Variants in PRKD2 observed in about 807,000 individuals in gnomAD.
The protein encoded by PRKD2 is protein kinase D2.
A neutral mutation model predicts 86.0 loss-of-function variants in PRKD2; 22 were observed. That is an observed-to-expected ratio of 0.26 (90% confidence interval 0.18 to 0.37). The LOEUF (loss-of-function observed/expected upper bound fraction) is 0.37, where lower values mean the gene tolerates loss of function less well. PRKD2 is among the 10% of genes least tolerant of loss of function. PRKD2 has a pLI of 1.00. For missense variants in PRKD2, 818 were observed against 1,199.2 expected, an observed-to-expected ratio of 0.68 and a Z score of 4.70; for synonymous variants, 509 against 510.9, an observed-to-expected ratio of 1.00 and a Z score of 0.05.
At chr19:46,680,968 CAG>C (rs2053296593) in intron 15 of PRKD2, among the ~76,000 whole-genome samples, 1 of 42,682 alleles carries the variant, frequency 2.3e-5, no homozygotes, top group Non-Finnish European at 5.3e-5. Context: ...TTTTTTGAGA[CAG>C]AGTCTCGCTC....
Position 46,696,081 on chromosome 19 carries a change from C to T in PRKD2, c.1317+1076G>A, listed in dbSNP as rs186257701. ...TTCGAACTCATGATCTCAAGTGATC[C>T]GCCCACCTCGGCCTCTGAAAGCGCT... On this transcript the variant is annotated intron_variant, in intron 9 of 17. Transcript: ENST00000291281. Among the ~76,000 whole-genome samples the T allele has an allele frequency of 3.2e-3, 481 of 152,204 alleles. 8 individuals are homozygous for T. Among genetic ancestry groups the T allele is most frequent in the East Asian group, 3.3e-3 (17 of 5,158 alleles).
At chr19:46,713,745 A>G (rs1250915103) in intron 2 of PRKD2, 118 bp downstream of exon 2, 5 of 1,018,934 alleles carry the variant, frequency 4.9e-6, no homozygotes, top group Non-Finnish European at 7.0e-6. Context: ...TGCTGGGATC[A>G]CAGGCGTGAG....
intron 15 of PRKD2, among the ~76,000 whole-genome samples, chr19:46,681,263 T>G (rs898550247): frequency 3.3e-5 from 5 of 150,898 alleles, no homozygotes; most frequent in Admixed American, 3.3e-4. Context: ...GTCTTTTTTT[T>G]TTTTTTTTAA....
chr19:46,701,940 A>G (rs931024539), intron 5 of PRKD2, among the ~76,000 whole-genome samples: 3 of 151,842 alleles, frequency 2.0e-5, no homozygotes, highest in Non-Finnish European at 2.9e-5. Context: ...CCATTGCTGT[A>G]GAGTTCAGTG....
At chr19:46,688,053 T>C (rs77814200) in intron 14 of PRKD2, among the ~76,000 whole-genome samples, 2 of 147,936 alleles carry the variant, frequency 1.4e-5, no homozygotes, top group Non-Finnish European at 3.0e-5. Flanking sequence ...AGGTTTTCTA[T>C]TTTTTTTTTT....
chr19:46,691,908 C>A, intron 11 of PRKD2, 25 bp downstream of exon 11: 1 of 1,612,724 alleles, frequency 6.2e-7, no homozygotes, highest in Non-Finnish European at 8.5e-7. Context: ...GAGGGGAGGG[C>A]ATCAGGTGGG....
chr19:46,692,740 C>T (rs906034751), intron 10 of PRKD2, among the ~76,000 whole-genome samples: 8 of 152,200 alleles, frequency 5.3e-5, no homozygotes, highest in Admixed American at 4.6e-4. Context: ...TCCTGACACA[C>T]TGGCCTCCTT....
chr19:46,716,846 G>T lies in PRKD2; in HGVS notation c.-476C>A, dbSNP rs974578950. The T allele has an allele frequency of 6.5e-6, 1 of 152,914 alleles. No individual in the cohort carries two copies. Among genetic ancestry groups the T allele is most frequent in the African/African-American group, 2.4e-5 (1 of 41,382 alleles). 9.5% of individuals were successfully genotyped at this position (152,914 alleles called of 1,614,324 possible). ...GGTGGAGGGCAGGAGTCTCTGAGTC[G>T]GGGACCGAGTGGATTCCAGAGATAA... On this transcript the variant is annotated 5_prime_UTR_variant, in exon 1 of 18. Transcript: ENST00000291281. The surrounding 1 kb of genome is among the most constrained non-coding windows in gnomAD (Gnocchi z 7.9).
intron 5 of PRKD2, among the ~76,000 whole-genome samples, chr19:46,703,519 C>T (rs561360913): frequency 6.6e-6 from 1 of 152,006 alleles, no homozygotes; most frequent in East Asian, 1.9e-4. Context: ...CGCCTGTAAT[C>T]CCGGCATTTT....
intron 4 of PRKD2, 29 bp from the exon 5 acceptor site, chr19:46,704,420 A>G: frequency 6.2e-7 from 1 of 1,613,854 alleles, no homozygotes. Flanking sequence ...GAGGGGACAC[A>G]TCAGTGCGTT....
rs751055362 is a variant in PRKD2 at position 46,674,522 on chromosome 19, C to G, written c.*1G>C. On this transcript the variant is annotated 3_prime_UTR_variant, in exon 18 of 18. Coordinates refer to ENST00000291281, the MANE Select transcript of PRKD2 (RefSeq NM_016457.5). ...CAGCAGCTGGACGAGGGCACAGGAC[C>G]TCAGAGAACACTGATGCGCTCCGCC... 13 of 1,611,116 alleles carry G rather than the reference C, an allele frequency of 8.1e-6. No homozygotes were observed. In the African/African-American group the frequency reaches 1.1e-4, roughly 13 times the overall value.
rs1324297944 is a variant in PRKD2, at chr19:46,694,139, G to A, written c.1318-6C>T. Reference sequence around the variant, plus strand: ...ATTTCTGACAGCGGAATTTCCTGCAGGACGTGGAACCAGCACAGGTGAGGA... The same window carrying A: ...ATTTCTGACAGCGGAATTTCCTGCAAGACGTGGAACCAGCACAGGTGAGGA... On this transcript the variant is annotated splice_polypyrimidine_tract_variant and splice_region_variant and intron_variant, in intron 9 of 17. Coordinates refer to ENST00000291281, the MANE Select transcript of PRKD2 (RefSeq NM_016457.5). 6.2e-7 allele frequency: 1 copy of A among 1,613,116 alleles called. No individual in the cohort carries two copies. The highest frequency in any genetic ancestry group is 1.1e-5 in the South Asian group (1 of 91,056).
chr19:46,714,179 G>A, intron 1 of PRKD2, 178 bp from the exon 2 acceptor site: 1 of 1,336,030 alleles, frequency 7.5e-7, no homozygotes, highest in South Asian at 1.9e-5. Flanking sequence ...CAGGATGCCA[G>A]CGCCCCAATT....
Position 46,688,444 on chromosome 19 carries a change from T to TA in PRKD2, c.1971+1092_1971+1093insT, listed in dbSNP as rs60508409. Among the ~76,000 whole-genome samples the TA allele has an allele frequency of 4.9e-3, 722 of 148,320 alleles. 7 individuals carry two copies. Among genetic ancestry groups the TA allele is most frequent in the African/African-American group, 0.016 (653 of 40,090 alleles). ...TCTTTATTATTATTATTATTATTAT[T>TA]TTTTTTTTTGAGACGAAGTTTCACT... On this transcript the variant is annotated intron_variant, in intron 14 of 17. Transcript: ENST00000291281.
chr19:46,700,918 C>G lies in PRKD2; in HGVS notation c.1002G>C (p.Glu334Asp). ...VPMEEATDFSEADKSALMDES... is the reference protein window; with the variant it reads ...VPMEEATDFSDADKSALMDES... The stretch of plus-strand genomic sequence containing the variant: ...CATCCATGAGGGCGCTCTTGTCAGC[C>G]TCGCTGAAATCGGTGGCCTCCTCCA... The change falls in exon 7 of 18, where the codon GAG becomes GAC. Residue 334 changes from glutamate to aspartate, a missense_variant. By Grantham distance (45) the Glu-to-Asp change is conservative. This residue lies in a region of PRKD2 where 403 missense variants were observed against 518.6 expected (regional missense o/e 0.78). Transcript: ENST00000291281. The G allele has an allele frequency of 6.2e-7, 1 of 1,614,236 alleles. No individual in the cohort carries two copies. Among genetic ancestry groups the G allele is most frequent in the Non-Finnish European group, 8.5e-7 (1 of 1,180,040 alleles).
intron 7 of PRKD2, among the ~76,000 whole-genome samples, chr19:46,699,375 G>C (rs973967601): frequency 1.3e-5 from 2 of 152,194 alleles, no homozygotes; most frequent in African/African-American, 4.8e-5. Context: ...TCCCCACTGA[G>C]GCAGTCAGCT....
In PRKD2 at chr19:46,709,064, T is replaced by A. The variant is rs943002931; in HGVS notation, c.511+1843A>T. On this transcript the variant is annotated intron_variant, in intron 3 of 17. Transcript: ENST00000291281. ...CGATCTCGGCTCACTGCAACCTCTG[T>A]CTCCTGGGTTCAAGTGATTCTCCTA... Among the ~76,000 whole-genome samples the A allele has an allele frequency of 6.6e-5, 10 of 150,904 alleles. No homozygotes were observed. In the South Asian group the frequency reaches 1.5e-3, roughly 22 times the overall value.
chr19:46,714,080 G>T, intron 1 of PRKD2, 79 bp from the exon 2 acceptor site: 2 of 1,520,314 alleles, frequency 1.3e-6, no homozygotes, highest in Non-Finnish European at 1.8e-6. Flanking sequence ...ACCCTCCCAG[G>T]GCAGGGCCGG....
At chr19:46,711,304 T>C (rs149243384) in intron 2 of PRKD2, among the ~76,000 whole-genome samples, 18 of 152,316 alleles carry the variant, frequency 1.2e-4, no homozygotes, top group African/African-American at 4.3e-4. Context: ...TTTCGCAAGA[T>C]GACAACAGTT....
Sources: gnomAD v4.1 joint callset for allele counts (sites outside exome capture counted in the v4.1 genomes callset) on GRCh38, gnomAD v4.1.1 for gene constraint, gnomAD v4.1.1 regional missense constraint, Gnocchi (gnomAD v3.1) non-coding constraint, MANE v1.5 for transcripts, NCBI Gene and HGNC (gene_info 2026-07-23, HGNC 2026-07-21) for gene names.